The following CDH13 variants were observed in gnomAD, a reference collection of about 807,000 sequenced individuals.
CDH13 encodes cadherin-13.
Under a neutral mutation model 63.8 loss-of-function variants are expected in CDH13, and 24 were observed. The ratio of observed to expected loss-of-function variants is 0.38; its 90% confidence interval spans 0.27 to 0.53. The LOEUF (loss-of-function observed/expected upper bound fraction) is 0.53, where lower values mean the gene tolerates loss of function less well. Ranked by LOEUF, CDH13 falls within the 20% of genes least tolerant of loss-of-function variation. The pLI is 0.85. For synonymous variants in CDH13, 503 were observed against 355.3 expected (o/e 1.42, Z -4.67); for missense variants, 1,049 against 903.1 (o/e 1.16, Z -2.07).
intron 1 of CDH13, among the ~76,000 whole-genome samples, chr16:82,837,816 C>T (rs376579905): frequency 8.7e-4 from 133 of 152,254 alleles, no homozygotes; most frequent in African/African-American, 3.1e-3. Context: ...CAGCATAAAC[C>T]GAATAGTTCA....
At chr16:82,742,268 G>A (rs1414579368) in intron 1 of CDH13, among the ~76,000 whole-genome samples, 3 of 152,066 alleles carry the variant, frequency 2.0e-5, no homozygotes, top group Non-Finnish European at 4.4e-5. Flanking sequence ...AATATTAATA[G>A]TGATTACATT....
chr16:83,530,152 C>T (rs2075052141), intron 7 of CDH13, among the ~76,000 whole-genome samples: 4 of 152,148 alleles, frequency 2.6e-5, no homozygotes, highest in Admixed American at 2.6e-4. Flanking sequence ...TTGAAATGAG[C>T]ATTTTGGGGG....
intron 2 of CDH13, among the ~76,000 whole-genome samples, chr16:83,014,782 ATATATATTTGTATATATATATG>A (rs1567745830): frequency 0.072 from 8,097 of 112,392 alleles, 543 homozygotes; most frequent in East Asian, 0.13. Context: ...ATATGTATAT[ATATATATTTGTATATATATATG>A]TATATATATT....
intron 5 of CDH13, among the ~76,000 whole-genome samples, chr16:83,329,273 T>C (rs1210979598): frequency 6.6e-6 from 1 of 152,212 alleles, no homozygotes; most frequent in Non-Finnish European, 1.5e-5. Context: ...TTGCCCAGGC[T>C]GGAGTGCAGT....
chr16:82,880,232 C>T (rs1047778774), intron 2 of CDH13, among the ~76,000 whole-genome samples: 2 of 152,050 alleles, frequency 1.3e-5, no homozygotes, highest in South Asian at 2.1e-4. Flanking sequence ...GTGCAGCGTC[C>T]TCATGCTTCT....
At chr16:83,375,284 A>G (rs2091439920) in intron 6 of CDH13, among the ~76,000 whole-genome samples, 1 of 152,238 alleles carries the variant, frequency 6.6e-6, no homozygotes, top group African/African-American at 2.4e-5. Flanking sequence ...TGATTTTTAA[A>G]GAAGTGCTGA....
chr16:83,732,390 T>C (rs542392260), intron 10 of CDH13, among the ~76,000 whole-genome samples: 13 of 152,138 alleles, frequency 8.5e-5, no homozygotes, highest in African/African-American at 2.9e-4. Flanking sequence ...AGAGCCTGGC[T>C]AGCTTTGGAC....
intron 1 of CDH13, among the ~76,000 whole-genome samples, chr16:82,667,643 C>A (rs189693193): frequency 6.6e-6 from 1 of 152,136 alleles, no homozygotes; most frequent in South Asian, 2.1e-4. Context: ...GGACAGAGCC[C>A]AGGCAGAGCT....
chr16:82,718,907 G>A (rs1024468390), intron 1 of CDH13, among the ~76,000 whole-genome samples: 2 of 152,206 alleles, frequency 1.3e-5, no homozygotes, highest in African/African-American at 2.4e-5. Context: ...AGTGAAAGGA[G>A]TTGAGATGGA....
chr16:82,868,781 T>A (rs1217118250), intron 2 of CDH13, among the ~76,000 whole-genome samples: 1 of 152,210 alleles, frequency 6.6e-6, no homozygotes, highest in African/African-American at 2.4e-5. Context: ...ACATTTAGAA[T>A]TTCACCTTTA....
At chr16:83,378,593 G>C (rs2091499175) in intron 6 of CDH13, among the ~76,000 whole-genome samples, 1 of 152,126 alleles carries the variant, frequency 6.6e-6, no homozygotes, top group African/African-American at 2.4e-5. Flanking sequence ...ACAGTGGAGT[G>C]ATTAAGACTC....
At chr16:83,278,326 A>C (rs1196298032) in intron 5 of CDH13, among the ~76,000 whole-genome samples, 6 of 152,116 alleles carry the variant, frequency 3.9e-5, no homozygotes, top group Admixed American at 3.9e-4. Flanking sequence ...TTCCCCATTC[A>C]CCATGGGCTC....
At chr16:83,235,795 A>G (rs1046556104) in intron 5 of CDH13, among the ~76,000 whole-genome samples, 15 of 152,202 alleles carry the variant, frequency 9.9e-5, no homozygotes, top group Admixed American at 2.6e-4. Context: ...AAGTGTTAAT[A>G]CATAGACTGA....
intron 1 of CDH13, among the ~76,000 whole-genome samples, chr16:82,768,069 G>T (rs1017533870): frequency 2.2e-4 from 33 of 152,184 alleles, no homozygotes; most frequent in Admixed American, 6.5e-5. Flanking sequence ...GTAAAGAAGG[G>T]AAGGAAACTG....
At chr16:83,045,175 ATT>A (rs1917664197) in intron 3 of CDH13, among the ~76,000 whole-genome samples, 1 of 152,202 alleles carries the variant, frequency 6.6e-6, no homozygotes, top group African/African-American at 2.4e-5. Flanking sequence ...AGCAATAAAA[ATT>A]AATACAAAAC....
intron 2 of CDH13, among the ~76,000 whole-genome samples, chr16:82,949,980 C>T (rs1460003135): frequency 1.3e-5 from 2 of 151,962 alleles, no homozygotes; most frequent in Non-Finnish European, 2.9e-5. Context: ...AAAAGGAATT[C>T]ACAATGGTTA....
At chr16:83,077,362 A>G (rs1597285170) in intron 3 of CDH13, among the ~76,000 whole-genome samples, 1 of 150,172 alleles carries the variant, frequency 6.7e-6, no homozygotes, top group Admixed American at 6.6e-5. Flanking sequence ...TGGCTAATTT[A>G]TTGTATTTTT....
intron 10 of CDH13, among the ~76,000 whole-genome samples, chr16:83,701,137 G>A (rs928250521): frequency 6.6e-6 from 1 of 152,136 alleles, no homozygotes; most frequent in South Asian, 2.1e-4. Context: ...ATTCCTTGCC[G>A]AAGCCAGGGC....
intron 1 of CDH13, among the ~76,000 whole-genome samples, chr16:82,845,528 C>G (rs537488550): frequency 2.2e-4 from 33 of 152,310 alleles, no homozygotes; most frequent in African/African-American, 6.7e-4. Flanking sequence ...GGGCTGACCC[C>G]TCAGATGACA....
Sources: gnomAD v4.1 joint callset for allele counts (sites outside exome capture counted in the v4.1 genomes callset) on GRCh38, gnomAD v4.1.1 for gene constraint, MANE v1.5 for transcripts, NCBI Gene and HGNC (gene_info 2026-07-23, HGNC 2026-07-21) for gene names.